Variants in ADGRE1 observed in about 807,000 individuals in gnomAD.
ADGRE1 encodes the protein adhesion G protein-coupled receptor E1, also known as EGF-like module receptor 1.
ADGRE1 carries 82 observed loss-of-function variants against 102.7 expected under a neutral mutation model. That is an observed-to-expected ratio of 0.80 (90% confidence interval 0.67 to 0.96). ADGRE1 has a LOEUF of 0.96. Among genes scored for constraint, ADGRE1 ranks in the 40% least tolerant of loss-of-function variants. ADGRE1 has a pLI of 0.00. For synonymous variants in ADGRE1, 398 were observed against 399.6 expected (o/e 1.00, Z 0.05); for missense variants, 1,032 against 1,085.3 (o/e 0.95, Z 0.69).
intron 8 of ADGRE1, 94 bp downstream of exon 8, chr19:6,904,276 G>C (rs896433508): frequency 4.8e-6 from 7 of 1,468,048 alleles, no homozygotes; most frequent in Non-Finnish European, 9.2e-7. Flanking sequence ...CTTCCTCTTA[G>C]TGTTGCCTCA....
chr19:6,890,506 A>G lies in ADGRE1; in HGVS notation c.57A>G (p.Glu19=), dbSNP rs781384868. 12 of 1,606,460 alleles carry G rather than the reference A, an allele frequency of 7.5e-6. No individual in the cohort carries two copies. The highest frequency in any genetic ancestry group is 1.0e-5 in the Non-Finnish European group (12 of 1,177,454). The part of the protein sequence containing the change: ...FWGCCVMHSW[E]GHIRPTRKPN... ...GATGTTGTGTTATGCACAGCTGGGAAGGGCACATAAGACCCACACGGAAAC... is the reference window on the plus strand; with the variant it reads ...GATGTTGTGTTATGCACAGCTGGGAGGGGCACATAAGACCCACACGGAAAC... The change falls in exon 2 of 21, where the codon GAA becomes GAG. Residue 19 remains glutamate, a synonymous_variant. Coordinates refer to ENST00000312053, the MANE Select transcript of ADGRE1 (RefSeq NM_001974.5).
rs145500919 is a variant in ADGRE1 at position 6,898,220 on chromosome 19, G to A, written c.514+673G>A. ...TACCAAAGTGAAGCGCATATGGGAT[G>A]GGAGATATTGTTTTAACTTTTTTTT... On this transcript the variant is annotated intron_variant, in intron 5 of 20. Coordinates refer to ENST00000312053, the MANE Select transcript of ADGRE1 (RefSeq NM_001974.5). The A allele has an allele frequency of 3.5e-4, 407 of 1,167,510 alleles. 2 individuals carry two copies. The African/African-American group carries it at 5.7e-3, about 16-fold the overall frequency. 72.3% of individuals were successfully genotyped at this position (1,167,510 alleles called of 1,614,324 possible). A position where few individuals can be genotyped will look rare whatever the true frequency, so the allele number is the denominator to read the frequency against.
chr19:6,930,956 A>G (rs1373584614), intron 17 of ADGRE1, among the ~76,000 whole-genome samples: 1 of 151,834 alleles, frequency 6.6e-6, no homozygotes, highest in Non-Finnish European at 1.5e-5. Flanking sequence ...GTTATTTTTA[A>G]ATCTACAATG....
At chr19:6,915,084 C>G (rs1202484331) in intron 11 of ADGRE1, among the ~76,000 whole-genome samples, 1 of 152,004 alleles carries the variant, frequency 6.6e-6, no homozygotes, top group Non-Finnish European at 1.5e-5. Context: ...TAGCTCACTA[C>G]AGCTTTGCAC....
rs759949629 is a variant in ADGRE1, at chr19:6,896,516, C to A, written c.213C>A (p.Phe71Leu). 6.2e-7 allele frequency: 1 copy of A among 1,613,998 alleles called. No homozygotes were observed. The highest frequency in any genetic ancestry group is 8.5e-7 in the Non-Finnish European group (1 of 1,179,990). Residue 71 changes from phenylalanine to leucine, a missense_variant, in exon 3 of 21, where the codon TTC becomes TTA. Phe to Leu is a conservative substitution (Grantham distance 22). Transcript: ENST00000312053. ...GFLSSNGQNH[F>L]KDPGVRCKDI... ...TGTCCAGCAATGGGCAAAATCACTT[C>A]AAGGATCCAGGAGTGCGATGCAAAG...
Position 6,913,651 on chromosome 19 carries a change from A to G in ADGRE1, c.1123-2A>G, listed in dbSNP as rs1974278059. ...AATGAACAAACACATCTTTCCTTGC[A>G]GAATACAACTGAGAGCTTTGTCCCT... On this transcript the variant is annotated splice_acceptor_variant, in intron 10 of 20. Transcript: ENST00000312053. LOFTEE classifies it high-confidence loss of function. 6.3e-7 allele frequency: 1 copy of G among 1,579,576 alleles called. No individual in the cohort carries two copies. The highest frequency in any genetic ancestry group is 8.6e-7 in the Non-Finnish European group (1 of 1,160,752).
chr19:6,918,978 G>T (rs904862022), intron 12 of ADGRE1, among the ~76,000 whole-genome samples: 1 of 152,140 alleles, frequency 6.6e-6, no homozygotes, highest in Non-Finnish European at 1.5e-5. Flanking sequence ...ACTTGCCTTG[G>T]CCTCCCAAAG....
intron 10 of ADGRE1, among the ~76,000 whole-genome samples, chr19:6,910,647 C>T (rs1003099356): frequency 1.4e-5 from 2 of 146,822 alleles, no homozygotes; most frequent in African/African-American, 5.0e-5. Context: ...TATTGACTCA[C>T]TGCAAGCTCC....
chr19:6,927,091 T>C (rs1308026318), intron 16 of ADGRE1, among the ~76,000 whole-genome samples: 3 of 151,996 alleles, frequency 2.0e-5, no homozygotes, highest in Non-Finnish European at 4.4e-5. Flanking sequence ...TGGGGTGCTG[T>C]TATTGAACAT....
At chr19:6,894,697 G>A (rs1233998478) in intron 2 of ADGRE1, among the ~76,000 whole-genome samples, 1 of 152,138 alleles carries the variant, frequency 6.6e-6, no homozygotes, top group Non-Finnish European at 1.5e-5. Context: ...GGTGGAGGTG[G>A]GAGATCAAAT....
chr19:6,900,909 T>C (rs999325179), intron 5 of ADGRE1, among the ~76,000 whole-genome samples: 1 of 152,250 alleles, frequency 6.6e-6, no homozygotes, highest in African/African-American at 2.4e-5. Context: ...TGAGTTGACA[T>C]TTTAAGTGGT....
intron 9 of ADGRE1, 40 bp from the exon 10 acceptor site, chr19:6,908,649 A>G (rs775523455): frequency 5.9e-5 from 85 of 1,449,900 alleles, no homozygotes; most frequent in Non-Finnish European, 7.9e-5. Context: ...ACATCGATTC[A>G]TGCTCACAAA....
chr19:6,894,347 G>GA (rs1973477470), intron 2 of ADGRE1, among the ~76,000 whole-genome samples: 1 of 152,272 alleles, frequency 6.6e-6, no homozygotes, highest in East Asian at 1.9e-4. Flanking sequence ...AGGTGGCCAT[G>GA]AAGGAGCAAC....
intron 20 of ADGRE1, among the ~76,000 whole-genome samples, chr19:6,938,153 A>G (rs565129129): frequency 6.6e-6 from 1 of 152,160 alleles, no homozygotes; most frequent in Admixed American, 6.6e-5. Flanking sequence ...CCTGGCCAAC[A>G]TGGCAAAACC....
rs548002812 is a variant in ADGRE1 at position 6,908,628 on chromosome 19, C to T, written c.1039-61C>T. On this transcript the variant is annotated intron_variant, in intron 9 of 20. Coordinates refer to ENST00000312053, the MANE Select transcript of ADGRE1 (RefSeq NM_001974.5). ...TATGGGCTAATTTGTAGATTACATG[C>T]TTGGGGGAATACATCGATTCATGCT... 499 of 1,413,358 alleles carry T rather than the reference C, an allele frequency of 3.5e-4. 3 individuals are homozygous for T. The South Asian group carries it at 5.8e-3, about 16-fold the overall frequency. 87.6% of individuals were successfully genotyped at this position (1,413,358 alleles called of 1,614,324 possible).
Position 6,896,396 on chromosome 19 carries a change from A to G in ADGRE1, c.95-2A>G. ...CTAAACTTTTCTTTATACACTGCCT[A>G]GGTAATAACTGTAGAGACAGTACCT... On this transcript the variant is annotated splice_acceptor_variant, in intron 2 of 20. Coordinates refer to ENST00000312053, the MANE Select transcript of ADGRE1 (RefSeq NM_001974.5). LOFTEE classifies it high-confidence loss of function. The G allele has an allele frequency of 1.9e-6, 3 of 1,613,644 alleles. No individual in the cohort carries two copies. Among genetic ancestry groups the G allele is most frequent in the Non-Finnish European group, 2.5e-6 (3 of 1,179,666 alleles).
chr19:6,898,505 C>T (rs1973654107), intron 5 of ADGRE1: 2 of 1,564,104 alleles, frequency 1.3e-6, no homozygotes. Flanking sequence ...GAGTGGATAT[C>T]TATCAGTGGG....
intron 13 of ADGRE1, among the ~76,000 whole-genome samples, chr19:6,920,244 T>TTTTTA (rs777225544): frequency 0.26 from 38,774 of 147,416 alleles, 6,227 homozygotes; most frequent in African/African-American, 0.44. Flanking sequence ...TTTTTTTTTT[T>TTTTTA]AGTCTCACTC....
At chr19:6,921,594 C>G in intron 13 of ADGRE1, 119 bp from the exon 14 acceptor site, 1 of 1,166,948 alleles carries the variant, frequency 8.6e-7, no homozygotes, top group Non-Finnish European at 1.2e-6. Context: ...TTTCCCCATT[C>G]CCTCAGAACA....
Sources: allele counts gnomAD v4.1 joint callset (sites outside exome capture counted in the v4.1 genomes callset), GRCh38; gene constraint gnomAD v4.1.1; transcripts MANE v1.5; gene names NCBI Gene and HGNC (gene_info 2026-07-23, HGNC 2026-07-21).